PAPSS2: variants seen among roughly 807,000 people sequenced by gnomAD.
PAPSS2 encodes the protein bifunctional 3'-phosphoadenosine 5'-phosphosulfate synthase 2.
A neutral mutation model predicts 66.5 loss-of-function variants in PAPSS2; 61 were observed. That is an observed-to-expected ratio of 0.92 (90% CI 0.75 to 1.14). The LOEUF (loss-of-function observed/expected upper bound fraction) is 1.14, where lower values mean the gene tolerates loss of function less well. Ranked by LOEUF, PAPSS2 falls within the 50% of genes most tolerant of loss-of-function variation. The pLI is 0.00. For synonymous variants in PAPSS2, 289 were observed against 287.5 expected, an observed-to-expected ratio of 1.01 and a Z score of -0.05; for missense variants, 708 against 789.6, an observed-to-expected ratio of 0.90 and a Z score of 1.24.
intron 9 of PAPSS2, among the ~76,000 whole-genome samples, chr10:87,730,810 G>A (rs1003696363): frequency 1.3e-5 from 2 of 152,176 alleles, no homozygotes; most frequent in South Asian, 4.1e-4. Context: ...TTCTATGAAG[G>A]TTGAGAGAGG....
intron 1 of PAPSS2, among the ~76,000 whole-genome samples, chr10:87,694,531 G>T (rs1186369370): frequency 6.6e-6 from 1 of 152,180 alleles, no homozygotes; most frequent in African/African-American, 2.4e-5. Context: ...CCAGTGGGAA[G>T]AGCTGAATGA....
At position 87,662,935 on chromosome 10, in the gene PAPSS2, G is replaced by A. The variant is rs562299735; in HGVS notation, c.27+2927G>A. Among the ~76,000 whole-genome samples, 177 of 150,562 alleles carry A rather than the reference G, an allele frequency of 1.2e-3. 2 individuals are homozygous for A. The highest frequency in any genetic ancestry group is 3.9e-3 in the African/African-American group (159 of 40,964). On this transcript the variant is annotated intron_variant, in intron 1 of 12. Transcript: ENST00000456849. ...GTCACCCAGGCTGGAGTGCAGTAGC[G>A]TGGCATGATCTCAGCTCACTGCAAC...
intron 1 of PAPSS2, among the ~76,000 whole-genome samples, chr10:87,667,698 T>C (rs1252237748): frequency 6.6e-6 from 1 of 152,262 alleles, no homozygotes; most frequent in Non-Finnish European, 1.5e-5. Context: ...CAAGCACGAC[T>C]GTAATATAAA....
rs66686947 is a variant in PAPSS2, at chr10:87,734,663, GTATATATATATATATATATATATATA to G, written c.1087-6554_1087-6529del. Among the ~76,000 whole-genome samples the G allele has an allele frequency of 7.3e-4, 59 of 81,110 alleles. 1 individual carries two copies. The highest frequency in any genetic ancestry group is 2.7e-3 in the South Asian group (5 of 1,876). 53.2% of individuals were successfully genotyped at this position (81,110 alleles called of 152,430 possible). A position where few individuals can be genotyped will look rare whatever the true frequency, so the allele number is the denominator to read the frequency against. ...TGATAGCACAGAAATGAATGTGTGTGTATATATATATATATATATATATATATATATATATATATATATGTATGTAT... is the reference window on the plus strand; with the variant it reads ...TGATAGCACAGAAATGAATGTGTGTGTATATATATATATATATGTATGTAT... On this transcript the variant is annotated intron_variant, in intron 9 of 12. Transcript: ENST00000456849.
In PAPSS2 at chr10:87,727,462, A is replaced by G. The variant is rs1307874047; in HGVS notation, c.1059A>G (p.Thr353=). ...KEERCSRVWG[T]TCTKHPHIKM... The stretch of plus-strand genomic sequence containing the variant: ...AACGCTGTTCCCGTGTTTGGGGGAC[A>G]ACATGTACAAAACACCCCCATATCA... Residue 353 remains threonine, a synonymous_variant, in exon 9 of 13, where the codon ACA becomes ACG. Coordinates refer to ENST00000456849, the MANE Select transcript of PAPSS2 (RefSeq NM_001015880.2). The G allele has an allele frequency of 6.2e-7, 1 of 1,613,574 alleles. No homozygotes were observed. Among genetic ancestry groups the G allele is most frequent in the South Asian group, 1.1e-5 (1 of 90,996 alleles).
chr10:87,737,804 T>C (rs1853819090), intron 9 of PAPSS2, among the ~76,000 whole-genome samples: 1 of 152,048 alleles, frequency 6.6e-6, no homozygotes, highest in Non-Finnish European at 1.5e-5. Flanking sequence ...GAGTGAGACC[T>C]GCCTCAAACA....
chr10:87,733,036 T>A (rs1277898433), intron 9 of PAPSS2, among the ~76,000 whole-genome samples: 2 of 152,236 alleles, frequency 1.3e-5, no homozygotes, highest in Non-Finnish European at 2.9e-5. Context: ...AAAATAATTC[T>A]TTTTGCTGTG....
chr10:87,709,844 G>T (rs1853443093), intron 2 of PAPSS2, among the ~76,000 whole-genome samples: 1 of 152,178 alleles, frequency 6.6e-6, no homozygotes, highest in Non-Finnish European at 1.5e-5. Flanking sequence ...ATTTCCATTT[G>T]GCTGAGGATT....
chr10:87,701,327 C>CCTTTCTTTCTTTCTTT (rs71019494), intron 1 of PAPSS2, among the ~76,000 whole-genome samples: 21 of 72,250 alleles, frequency 2.9e-4, no homozygotes, highest in South Asian at 5.1e-4. Context: ...TTCCTTCCTT[C>CCTTTCTTTCTTTCTTT]CTTTCTTTCT....
intron 1 of PAPSS2, among the ~76,000 whole-genome samples, chr10:87,683,081 CTTTTTCT>C (rs374319586): frequency 0.012 from 1,752 of 143,884 alleles, 27 homozygotes; most frequent in African/African-American, 0.038. Flanking sequence ...TTTTCTTTTC[CTTTTTCT>C]TTTTTCTTTT....
chr10:87,685,202 C>G (rs1221673962), intron 1 of PAPSS2, among the ~76,000 whole-genome samples: 1 of 152,144 alleles, frequency 6.6e-6, no homozygotes, highest in Non-Finnish European at 1.5e-5. Flanking sequence ...GAGAGTTGAG[C>G]TTGTCTCTGT....
intron 1 of PAPSS2, among the ~76,000 whole-genome samples, chr10:87,670,664 T>C: frequency 6.6e-6 from 1 of 152,130 alleles, no homozygotes; most frequent in East Asian, 1.9e-4. Context: ...AGTCTTTTAC[T>C]GGAGAGGAGC....
At position 87,660,329 on chromosome 10, in the gene PAPSS2, T is replaced by C. The variant is rs1334318386; in HGVS notation, c.27+321T>C. 3 of 523,498 alleles carry C rather than the reference T, an allele frequency of 5.7e-6. No individual in the cohort carries two copies. In the Admixed American group the frequency reaches 9.8e-5, roughly 17 times the overall value. The allele number at this position is 523,498 out of a possible 1,614,324, so 32.4% of individuals were successfully genotyped here. ...ACCAGGGACAGGAAATCCCCTTTCTTTCCCAAGAGCTCTTCCAGACCCGCC... is the reference window on the plus strand; with the variant it reads ...ACCAGGGACAGGAAATCCCCTTTCTCTCCCAAGAGCTCTTCCAGACCCGCC... On this transcript the variant is annotated intron_variant, in intron 1 of 12. Coordinates refer to ENST00000456849, the MANE Select transcript of PAPSS2 (RefSeq NM_001015880.2).
At position 87,747,480 on chromosome 10, in the gene PAPSS2, G is replaced by C. The variant is rs2131734078; in HGVS notation, c.*1510G>C. ...ACAGCAGTTTGTCTTTAATAGTATA[G>C]TGCCTATACTCATGTAATCGGTTAC... On this transcript the variant is annotated 3_prime_UTR_variant, in exon 13 of 13. Coordinates refer to ENST00000456849, the MANE Select transcript of PAPSS2 (RefSeq NM_001015880.2). 1 of 152,248 alleles carries C rather than the reference G, an allele frequency of 6.6e-6. No individual in the cohort carries two copies. Among genetic ancestry groups the C allele is most frequent in the South Asian group, 2.1e-4 (1 of 4,814 alleles). The allele number at this position is 152,248 out of a possible 1,614,324, so 9.4% of individuals were successfully genotyped here.
rs1253347017 is a variant in PAPSS2, at chr10:87,747,590, G to A, written c.*1620G>A. 6.6e-6 allele frequency: 1 copy of A among 151,890 alleles called. No individual in the cohort carries two copies. The highest frequency in any genetic ancestry group is 1.5e-5 in the Non-Finnish European group (1 of 67,960). 9.4% of individuals were successfully genotyped at this position (151,890 alleles called of 1,614,324 possible). A position where few individuals can be genotyped will look rare whatever the true frequency, so the allele number is the denominator to read the frequency against. ...TAGTGCCTTAACCGATATATTTTGT[G>A]ACTTAAAAAATACATTTAAAACTGC... On this transcript the variant is annotated 3_prime_UTR_variant, in exon 13 of 13. Transcript: ENST00000456849.
At chr10:87,744,005 G>A (rs904701526) in intron 11 of PAPSS2, among the ~76,000 whole-genome samples, 8 of 152,136 alleles carry the variant, frequency 5.3e-5, no homozygotes, top group Non-Finnish European at 8.8e-5. Flanking sequence ...GGGAAGCTGA[G>A]GCAGGAGAAT....
intron 9 of PAPSS2, among the ~76,000 whole-genome samples, chr10:87,735,881 T>C (rs541335635): frequency 2.0e-5 from 3 of 152,166 alleles, no homozygotes; most frequent in Non-Finnish European, 2.9e-5. Context: ...CCTGAACCTC[T>C]CTGGAATGCA....
intron 1 of PAPSS2, among the ~76,000 whole-genome samples, chr10:87,673,698 T>C (rs1229065236): frequency 8.5e-5 from 12 of 141,778 alleles, no homozygotes; most frequent in African/African-American, 3.1e-4. Flanking sequence ...ACTTTTTTTT[T>C]TTTTTTTTTT....
intron 7 of PAPSS2, among the ~76,000 whole-genome samples, chr10:87,716,784 C>A (rs780895703): frequency 6.6e-6 from 1 of 152,150 alleles, no homozygotes; most frequent in Non-Finnish European, 1.5e-5. Context: ...CAACCTGAAT[C>A]CTTCACTTCT....
Sources: allele counts gnomAD v4.1 joint callset (sites outside exome capture counted in the v4.1 genomes callset), GRCh38; gene constraint gnomAD v4.1.1; transcripts MANE v1.5; gene names NCBI Gene and HGNC (gene_info 2026-07-23, HGNC 2026-07-21).